The following PRKCB variants were observed in gnomAD, a reference collection of about 807,000 sequenced individuals.
PRKCB encodes the protein protein kinase C beta type.
Under a neutral mutation model 81.5 loss-of-function variants are expected in PRKCB, and 13 were observed. That is an observed-to-expected ratio of 0.16 (90% confidence interval 0.10 to 0.25). The LOEUF is 0.25. Ranked by LOEUF, PRKCB falls within the 10% of genes least tolerant of loss-of-function variation. The probability of loss-of-function intolerance (pLI) is 1.00; values close to 1 mark genes in which losing one functional copy is unlikely to be tolerated. For synonymous variants in PRKCB, 335 were observed against 321.4 expected (o/e 1.04, Z -0.45); for missense variants, 509 against 875.7 (o/e 0.58, Z 5.29).
At chr16:23,852,826 T>C (rs1962497498) in intron 2 of PRKCB, among the ~76,000 whole-genome samples, 1 of 152,224 alleles carries the variant, frequency 6.6e-6, no homozygotes, top group African/African-American at 2.4e-5. Context: ...CCCACTTTTC[T>C]GTTATGCAAC....
rs556839027 is a variant in PRKCB, at chr16:24,185,655, A to G, written c.1722+88A>G. On this transcript the variant is annotated intron_variant, in intron 15 of 16. Transcript: ENST00000643927. The stretch of plus-strand genomic sequence containing the variant: ...GCCCAAGAACACCCCACCAGGGGGG[A>G]ACACAGCCTGAACTCCACCCTTCAC... 1.3e-4 allele frequency: 141 copies of G among 1,092,904 alleles called. No homozygotes were observed. In the African/African-American group the frequency reaches 2.0e-3, roughly 16 times the overall value. 67.7% of individuals were successfully genotyped at this position (1,092,904 alleles called of 1,614,324 possible). A position where few individuals can be genotyped will look rare whatever the true frequency, so the allele number is the denominator to read the frequency against.
chr16:24,004,536 TC>T (rs1055619029), intron 3 of PRKCB, among the ~76,000 whole-genome samples: 1 of 149,420 alleles, frequency 6.7e-6, no homozygotes, highest in African/African-American at 2.5e-5. Flanking sequence ...GCACCTGTAG[TC>T]CCAGCTACTC....
At chr16:24,186,262 T>A (rs1483244721) in intron 15 of PRKCB, among the ~76,000 whole-genome samples, 1 of 152,160 alleles carries the variant, frequency 6.6e-6, no homozygotes, top group African/African-American at 2.4e-5. Context: ...TCAGCGACCC[T>A]CACCTTTGGA....
At chr16:24,161,429 T>C (rs1437071616) in intron 10 of PRKCB, among the ~76,000 whole-genome samples, 2 of 152,184 alleles carry the variant, frequency 1.3e-5, no homozygotes, top group African/African-American at 4.8e-5. Context: ...AATATTGATT[T>C]GATTTAGGGA....
intron 16 of PRKCB, among the ~76,000 whole-genome samples, chr16:24,201,583 CA>C (rs999151669): frequency 6.6e-5 from 10 of 152,102 alleles, no homozygotes; most frequent in Non-Finnish European, 1.5e-4. Flanking sequence ...CTCACTGCAC[CA>C]GGGGGATGGA....
At chr16:23,956,976 C>A in intron 2 of PRKCB, among the ~76,000 whole-genome samples, 1 of 48,526 alleles carries the variant, frequency 2.1e-5, no homozygotes, top group African/African-American at 1.1e-4. Flanking sequence ...AAGCTATAGG[C>A]AGTAAAAAAA....
intron 16 of PRKCB, among the ~76,000 whole-genome samples, chr16:24,194,731 G>A (rs1463552854): frequency 2.0e-5 from 3 of 152,126 alleles, no homozygotes; most frequent in Non-Finnish European, 4.4e-5. Flanking sequence ...TCCCTCAACT[G>A]TTCTGCATTT....
chr16:24,145,075 A>T (rs1365021136), intron 9 of PRKCB, among the ~76,000 whole-genome samples: 1 of 152,180 alleles, frequency 6.6e-6, no homozygotes, highest in African/African-American at 2.4e-5. Flanking sequence ...GGTGTTGGTG[A>T]CAGGGTCACA....
chr16:24,105,061 T>TTTA (rs1555497033), intron 7 of PRKCB, among the ~76,000 whole-genome samples: 1 of 151,766 alleles, frequency 6.6e-6, no homozygotes. Flanking sequence ...TTGGATTTTT[T>TTTA]TTTTTTTATT....
At chr16:23,922,852 A>G (rs1264406974) in intron 2 of PRKCB, among the ~76,000 whole-genome samples, 1 of 152,188 alleles carries the variant, frequency 6.6e-6, no homozygotes, top group East Asian at 1.9e-4. Flanking sequence ...GCCAATGTCC[A>G]CATGAGCCAC....
chr16:23,945,543 G>A (rs1964194882), intron 2 of PRKCB, among the ~76,000 whole-genome samples: 1 of 152,122 alleles, frequency 6.6e-6, no homozygotes. Flanking sequence ...AAAATGAGGA[G>A]CCTCACTGTG....
At chr16:24,143,159 G>A (rs576713998) in intron 9 of PRKCB, among the ~76,000 whole-genome samples, 13 of 152,100 alleles carry the variant, frequency 8.5e-5, no homozygotes, top group Admixed American at 3.3e-4. Context: ...TTGAGATGGA[G>A]TCTCACTCTG....
chr16:23,876,249 A>G (rs1261872189), intron 2 of PRKCB, among the ~76,000 whole-genome samples: 1 of 152,224 alleles, frequency 6.6e-6, no homozygotes, highest in African/African-American at 2.4e-5. Context: ...GAACAATTAT[A>G]TACGTAATTT....
At chr16:23,898,409 G>C (rs1228341656) in intron 2 of PRKCB, among the ~76,000 whole-genome samples, 1 of 152,018 alleles carries the variant, frequency 6.6e-6, no homozygotes, top group African/African-American at 2.4e-5. Context: ...GCTAAGTACT[G>C]TGCTGGGTTC....
At chr16:23,875,537 C>G in intron 2 of PRKCB, among the ~76,000 whole-genome samples, 1 of 54,304 alleles carries the variant, frequency 1.8e-5, no homozygotes, top group Non-Finnish European at 3.4e-5. Context: ...GTGTATATCA[C>G]ACACATATGT....
chr16:23,866,040 T>C (rs1962784973), intron 2 of PRKCB, among the ~76,000 whole-genome samples: 1 of 9,838 alleles, frequency 1.0e-4, no homozygotes, highest in Non-Finnish European at 1.5e-4. Flanking sequence ...TTTTCACACC[T>C]AAGTGAAAGA....
Position 24,120,695 on chromosome 16 carries a change from A to G in PRKCB, c.919-3140A>G, listed in dbSNP as rs556531470. Among the ~76,000 whole-genome samples, 5 of 152,034 alleles carry G rather than the reference A, an allele frequency of 3.3e-5. No individual in the cohort carries two copies. In the South Asian group the frequency reaches 1.0e-3, roughly 32 times the overall value. On this transcript the variant is annotated intron_variant, in intron 8 of 16. Coordinates refer to ENST00000643927, the MANE Select transcript of PRKCB (RefSeq NM_002738.7). ...TGGGGTCAGTCTGTCTCCCAAATAG[A>G]TCCACTTTGTTCAGTCTACACTGCA...
chr16:24,079,809 T>C (rs937110610), intron 5 of PRKCB, among the ~76,000 whole-genome samples: 1 of 152,226 alleles, frequency 6.6e-6, no homozygotes, highest in African/African-American at 2.4e-5. Flanking sequence ...TTAATTTGAT[T>C]GTGGCCTTAA....
At chr16:24,101,169 A>G (rs993756797) in intron 7 of PRKCB, among the ~76,000 whole-genome samples, 1 of 152,202 alleles carries the variant, frequency 6.6e-6, no homozygotes, top group Non-Finnish European at 1.5e-5. Context: ...TGTGGCTAAT[A>G]TGTTAGTTTT....
Sources: gnomAD v4.1 joint callset for allele counts (sites outside exome capture counted in the v4.1 genomes callset) on GRCh38, gnomAD v4.1.1 for gene constraint, MANE v1.5 for transcripts, NCBI Gene and HGNC (gene_info 2026-07-23, HGNC 2026-07-21) for gene names.